TET3: variants seen among roughly 807,000 people sequenced by gnomAD.
TET3 encodes the protein tet methylcytosine dioxygenase 3, also known as methylcytosine dioxygenase TET3.
A neutral mutation model predicts 141.4 loss-of-function variants in TET3; 19 were observed. That is an observed-to-expected ratio of 0.13 (90% CI 0.09 to 0.20). The LOEUF is 0.20. TET3 is among the 10% of genes least tolerant of loss of function. The pLI, the probability that TET3 is intolerant of heterozygous loss-of-function variation, is 1.00. For synonymous variants in TET3, 1,043 were observed against 980.9 expected (o/e 1.06, Z -1.18); for missense variants, 1,874 against 2,356.9 (o/e 0.80, Z 4.24).
At chr2:74,132,747 A>C in the TET3 span, among the ~76,000 whole-genome samples, 1 of 152,200 alleles carries the variant, frequency 6.6e-6, no homozygotes, top group Admixed American at 6.5e-5. Flanking sequence ...ACTGTATGGC[A>C]GATGCCAATC....
chr2:73,991,825 AAAAG>A (rs1233940782), intron 2 of TET3, among the ~76,000 whole-genome samples: 25 of 151,448 alleles, frequency 1.7e-4, no homozygotes, highest in African/African-American at 4.6e-4. Flanking sequence ...AAAAAAAAAA[AAAAG>A]AAGGAAACGC....
At chr2:74,129,606 G>A in the TET3 span, among the ~76,000 whole-genome samples, 1 of 151,968 alleles carries the variant, frequency 6.6e-6, no homozygotes, top group East Asian at 1.9e-4. Context: ...GCTCCAGCCT[G>A]GGAGACAGAG....
At position 74,093,197 on chromosome 2, in the gene TET3, C is replaced by G. The variant is rs1415180843; in HGVS notation, c.3129+206C>G. ...CATCCCACACCGTCCCTCTTCTATC[C>G]TGGTCTTCTCCCTTCCCCTGGTAAC... On this transcript the variant is annotated intron_variant, in intron 9 of 11. Transcript: ENST00000409262. This position sits in a 1 kb window ranked among gnomAD's most constrained non-coding sequence, Gnocchi z 4.2. Among the ~76,000 whole-genome samples the G allele has an allele frequency of 6.6e-6, 1 of 152,206 alleles. No homozygotes were observed. Among genetic ancestry groups the G allele is most frequent in the Non-Finnish European group, 1.5e-5 (1 of 68,050 alleles).
rs1465858391 is a variant in TET3, at chr2:74,093,657, G to A, written c.3258G>A (p.Gly1086=). 1 of 1,609,614 alleles carries A rather than the reference G, an allele frequency of 6.2e-7. No individual in the cohort carries two copies. The highest frequency in any genetic ancestry group is 1.7e-5 in the Admixed American group (1 of 59,734). The change falls in exon 10 of 12, where the codon GGG becomes GGA. Residue 1086 remains glycine, a synonymous_variant. Coordinates refer to ENST00000409262, the MANE Select transcript of TET3 (RefSeq NM_001287491.2). The surrounding 1 kb of genome is among the most constrained non-coding windows in gnomAD (Gnocchi z 4.2). ...AGGACCAGCATAACCTCTACAATGG[G>A]TGCACCGTGGTAAGCCTGTGCCCTG... The part of the protein sequence containing the change: ...AHKDQHNLYN[G]CTVVCTLTKE...
chr2:74,089,868 A>G (rs765596496), intron 7 of TET3, 29 bp from the exon 8 acceptor site: 11 of 1,612,428 alleles, frequency 6.8e-6, no homozygotes, highest in South Asian at 4.4e-5. Flanking sequence ...TATTGCATCT[A>G]TATCCCTGAC....
chr2:74,061,621 C>T (rs186954615), intron 4 of TET3, among the ~76,000 whole-genome samples: 24 of 147,784 alleles, frequency 1.6e-4, no homozygotes, highest in South Asian at 2.1e-4. Context: ...CCCTCCCAGA[C>T]GGGGTGGCTG....
chr2:74,057,732 A>C (rs1688292481), intron 4 of TET3, among the ~76,000 whole-genome samples: 1 of 152,218 alleles, frequency 6.6e-6, no homozygotes, highest in African/African-American at 2.4e-5. Context: ...GAGCTAGTTG[A>C]TCCAAAATGT....
At chr2:74,099,222 C>T in intron 10 of TET3, 54 bp from the exon 11 acceptor site, 1 of 1,489,160 alleles carries the variant, frequency 6.7e-7, no homozygotes, top group Non-Finnish European at 9.0e-7. Context: ...ACCCCTCTCT[C>T]CCAGCACTCG....
In TET3 at chr2:74,101,069, G is replaced by A; in HGVS notation, c.4281G>A (p.Gln1427=). ...AGACACCTCTGTCCGAGGTGTCTCA[G>A]AATGGAGGACCCAGTCACCTTTGGG... The part of the protein sequence containing the change: ...MGKTPLSEVS[Q]NGGPSHLWGQ... The change falls in exon 12 of 12, where the codon CAG becomes CAA. Residue 1427 remains glutamine, a synonymous_variant. Coordinates refer to ENST00000409262, the MANE Select transcript of TET3 (RefSeq NM_001287491.2). This position sits in a 1 kb window ranked among gnomAD's most constrained non-coding sequence, Gnocchi z 8.5. 1 of 1,612,740 alleles carries A rather than the reference G, an allele frequency of 6.2e-7. No homozygotes were observed. The highest frequency in any genetic ancestry group is 1.1e-5 in the South Asian group (1 of 90,902).
chr2:74,086,583 G>A (rs959488015), intron 6 of TET3, among the ~76,000 whole-genome samples: 1 of 151,992 alleles, frequency 6.6e-6, no homozygotes, highest in East Asian at 1.9e-4. Flanking sequence ...AGCCCCAGCA[G>A]TTCAAGACCA....
At chr2:74,018,006 C>T (rs563151039) in intron 3 of TET3, among the ~76,000 whole-genome samples, 39 of 121,778 alleles carry the variant, frequency 3.2e-4, no homozygotes, top group African/African-American at 1.1e-3. Flanking sequence ...TTGCTCTTGT[C>T]GCCCAGGCTG....
chr2:74,000,519 A>G (rs1044039766), intron 2 of TET3, among the ~76,000 whole-genome samples: 7 of 152,132 alleles, frequency 4.6e-5, no homozygotes, highest in African/African-American at 7.2e-5. Context: ...CTTGTACCAC[A>G]TTAGCTTGCC....
rs1314342577 is a variant in TET3 at position 74,003,306 on chromosome 2, G to A, written c.360+140G>A. On this transcript the variant is annotated intron_variant, in intron 3 of 11. Transcript: ENST00000409262. ...GTGTGTAGCAGCAGCTGAGGGGGAGGGGCGGCGGGGGTGTGGGCGGCCAAT... is the reference window on the plus strand; with the variant it reads ...GTGTGTAGCAGCAGCTGAGGGGGAGAGGCGGCGGGGGTGTGGGCGGCCAAT... 3.7e-6 allele frequency: 4 copies of A among 1,073,398 alleles called. No homozygotes were observed. In the African/African-American group the frequency reaches 4.8e-5, roughly 13 times the overall value. The allele number at this position is 1,073,398 out of a possible 1,614,324, so 66.5% of individuals were successfully genotyped here.
At chr2:74,021,739 G>A (rs1333886805) in intron 3 of TET3, among the ~76,000 whole-genome samples, 2 of 152,148 alleles carry the variant, frequency 1.3e-5, no homozygotes, top group South Asian at 2.1e-4. Flanking sequence ...TGATTCCCAC[G>A]CCCAATGGAG....
intron 3 of TET3, among the ~76,000 whole-genome samples, chr2:74,039,719 G>A (rs1477950053): frequency 5.3e-5 from 8 of 152,064 alleles, no homozygotes; most frequent in Admixed American, 6.6e-5. Flanking sequence ...TGGAATCCTC[G>A]AAGGGCTCCT....
Position 74,048,444 on chromosome 2 carries a change from G to C in TET3, c.2494+33G>C, listed in dbSNP as rs151144346. 125 of 1,569,074 alleles carry C rather than the reference G, an allele frequency of 8.0e-5. No homozygotes were observed. In the African/African-American group the frequency reaches 1.4e-3, roughly 18 times the overall value. On this transcript the variant is annotated intron_variant, in intron 4 of 11. Transcript: ENST00000409262. ...CGCCTGGGTATCAGGGAAGGGCAGA[G>C]AAAGGGCTGTGGCCTGGTGAGCTAG...
Position 74,102,164 on chromosome 2 carries a change from C to A in TET3, c.5376C>A (p.Ser1792Arg). Residue 1792 changes from serine to arginine, a missense_variant, in exon 12 of 12, where the codon AGC (serine) becomes AGA (arginine). By Grantham distance (110) the Ser-to-Arg change is moderately radical. Transcript: ENST00000409262. ...ACACGAAGGTCACTGGCCCCTACAGCCGCTGGATCTAGGTGCCAGGGAGCC... is the reference window on the plus strand; with the variant it reads ...ACACGAAGGTCACTGGCCCCTACAGACGCTGGATCTAGGTGCCAGGGAGCC... ...YAYTKVTGPY[S>R]RWI 1.4e-6 allele frequency: 2 copies of A among 1,446,246 alleles called. No individual in the cohort carries two copies. The highest frequency in any genetic ancestry group is 1.8e-6 in the Non-Finnish European group (2 of 1,097,504). 89.6% of individuals were successfully genotyped at this position (1,446,246 alleles called of 1,614,324 possible). A position where few individuals can be genotyped will look rare whatever the true frequency, so the allele number is the denominator to read the frequency against.
intron 3 of TET3, among the ~76,000 whole-genome samples, chr2:74,034,028 G>A (rs369155410): frequency 1.2e-4 from 19 of 152,042 alleles, no homozygotes; most frequent in Middle Eastern, 3.4e-3. Flanking sequence ...CCCAGGAGGC[G>A]GAGGTTGCAG....
At chr2:74,114,853 CAAAAAA>C in the TET3 span, among the ~76,000 whole-genome samples, 3 of 43,880 alleles carry the variant, frequency 6.8e-5, 1 homozygote, top group South Asian at 4.5e-3. Flanking sequence ...GACTCTGTCT[CAAAAAA>C]AAAAAAAAAA....
Sources: allele counts gnomAD v4.1 joint callset (sites outside exome capture counted in the v4.1 genomes callset), GRCh38; gene constraint gnomAD v4.1.1; non-coding constraint Gnocchi (gnomAD v3.1); transcripts MANE v1.5; gene names NCBI Gene and HGNC (gene_info 2026-07-23, HGNC 2026-07-21).